The following PHF24 variants were observed in gnomAD, a reference collection of about 807,000 sequenced individuals.
PHF24 encodes the protein Galpha inhibitory interacting protein.
In PHF24, 25 loss-of-function variants were observed where a neutral mutation model predicts 42.6. That is an observed-to-expected ratio of 0.59 (90% CI 0.43 to 0.82). The LOEUF is 0.82. Ranked by LOEUF, PHF24 falls within the 40% of genes least tolerant of loss-of-function variation. PHF24 has a pLI of 0.00. For synonymous variants in PHF24, 185 were observed against 204.8 expected, an observed-to-expected ratio of 0.90 and a Z score of 0.83; for missense variants, 470 against 538.1, an observed-to-expected ratio of 0.87 and a Z score of 1.25.
chr9:34,964,250 C>T (rs1471568514), intron 1 of PHF24, among the ~76,000 whole-genome samples: 1 of 152,060 alleles, frequency 6.6e-6, no homozygotes, highest in Non-Finnish European at 1.5e-5. Flanking sequence ...GCTTGTGAGC[C>T]TTTTAAATAG....
the PHF24 span, chr9:34,728,210 G>A: frequency 1.3e-6 from 1 of 767,824 alleles, no homozygotes; most frequent in Middle Eastern, 2.4e-4. Context: ...CGTACTCTAA[G>A]GCATGTCTGA....
At chr9:34,833,337 C>T in the PHF24 span, 1 of 1,551,136 alleles carries the variant, frequency 6.4e-7, no homozygotes, top group Non-Finnish European at 8.7e-7. Flanking sequence ...ACCGAGTGGG[C>T]AGAACCCTGG....
At chr9:34,827,506 A>G in the PHF24 span, among the ~76,000 whole-genome samples, 3 of 151,266 alleles carry the variant, frequency 2.0e-5, no homozygotes, top group Admixed American at 2.0e-4. Flanking sequence ...CAGTGGACAC[A>G]TTGTGCTAAA....
At chr9:34,667,507 C>T in the PHF24 span, among the ~76,000 whole-genome samples, 1 of 152,214 alleles carries the variant, frequency 6.6e-6, no homozygotes, top group Non-Finnish European at 1.5e-5. Context: ...CTGGCTGGGT[C>T]AGGTCTGGTG....
At chr9:34,879,455 A>T in the PHF24 span, among the ~76,000 whole-genome samples, 1 of 152,214 alleles carries the variant, frequency 6.6e-6, no homozygotes, top group African/African-American at 2.4e-5. Flanking sequence ...CAAAGAAGCT[A>T]AAAACCTTGA....
the PHF24 span, chr9:34,709,587 G>T: frequency 6.2e-7 from 1 of 1,614,192 alleles, no homozygotes; most frequent in Non-Finnish European, 8.5e-7. Context: ...TTTCTGTGGG[G>T]ATGGTGTCTT....
At chr9:34,720,412 C>T in the PHF24 span, among the ~76,000 whole-genome samples, 2 of 150,492 alleles carry the variant, frequency 1.3e-5, no homozygotes. Context: ...GCCACTGCAG[C>T]CCGCAGTCCG....
chr9:34,675,261 G>A, the PHF24 span, among the ~76,000 whole-genome samples: 1 of 152,044 alleles, frequency 6.6e-6, no homozygotes, highest in Non-Finnish European at 1.5e-5. Context: ...CTCCTGGCCT[G>A]GACTCTCAAC....
chr9:34,931,210 AC>A, the PHF24 span, among the ~76,000 whole-genome samples: 1 of 151,884 alleles, frequency 6.6e-6, no homozygotes. Context: ...CCCTGTCTCT[AC>A]TAAAAATACA....
the PHF24 span, among the ~76,000 whole-genome samples, chr9:34,701,274 C>A: frequency 1.3e-5 from 2 of 151,380 alleles, no homozygotes; most frequent in African/African-American, 4.8e-5. This position sits in a 1 kb window ranked among gnomAD's most constrained non-coding sequence, Gnocchi z 5.8. Flanking sequence ...TGGTGGGGGT[C>A]GGGGTGGGTG....
chr9:34,806,827 GT>G, the PHF24 span, among the ~76,000 whole-genome samples: 1 of 152,136 alleles, frequency 6.6e-6, no homozygotes, highest in South Asian at 2.1e-4. Context: ...TAATGGAATT[GT>G]TTAAAATTCC....
the PHF24 span, chr9:34,918,218 C>T: frequency 2.0e-6 from 3 of 1,493,606 alleles, no homozygotes; most frequent in Non-Finnish European, 2.8e-6. Context: ...ACTGTGACCC[C>T]TTTTCGGTGA....
the PHF24 span, chr9:34,691,138 A>G: frequency 6.2e-7 from 1 of 1,613,454 alleles, no homozygotes. Context: ...TAGCAGGGCC[A>G]TGGAGGGTGA....
chr9:34,667,098 G>C, the PHF24 span, among the ~76,000 whole-genome samples: 23 of 152,184 alleles, frequency 1.5e-4, no homozygotes, highest in African/African-American at 5.5e-4. Context: ...TGTCAAGAAA[G>C]GGCAATCAAC....
the PHF24 span, among the ~76,000 whole-genome samples, chr9:34,789,344 A>T: frequency 1.1e-4 from 16 of 152,164 alleles, no homozygotes; most frequent in Admixed American, 1.0e-3. Flanking sequence ...TCCTTCAATA[A>T]GTTCTTCTTT....
chr9:34,823,256 G>A, the PHF24 span, among the ~76,000 whole-genome samples: 2 of 150,090 alleles, frequency 1.3e-5, no homozygotes, highest in African/African-American at 4.9e-5. Flanking sequence ...CTGGAGTGGT[G>A]CTCACCTAGG....
the PHF24 span, among the ~76,000 whole-genome samples, chr9:34,945,091 T>C: frequency 6.6e-6 from 1 of 152,140 alleles, no homozygotes; most frequent in Non-Finnish European, 1.5e-5. Context: ...GACAGAATCA[T>C]TGTACCAGCA....
At chr9:34,812,252 C>A in the PHF24 span, among the ~76,000 whole-genome samples, 103 of 152,124 alleles carry the variant, frequency 6.8e-4, no homozygotes, top group African/African-American at 2.1e-3. Context: ...TGAGATATTA[C>A]CTCATACCCA....
chr9:34,833,231 G>A, the PHF24 span: 2 of 1,548,210 alleles, frequency 1.3e-6, no homozygotes, highest in South Asian at 1.2e-5. Flanking sequence ...AGGGCCACAG[G>A]GTTCCTCCAG....
Sources: allele counts gnomAD v4.1 joint callset (sites outside exome capture counted in the v4.1 genomes callset), GRCh38; gene constraint gnomAD v4.1.1; non-coding constraint Gnocchi (gnomAD v3.1); transcripts MANE v1.5; gene names NCBI Gene and HGNC (gene_info 2026-07-23, HGNC 2026-07-21).